The following MTHFD2L variants were observed in gnomAD, a reference collection of about 807,000 sequenced individuals.
MTHFD2L encodes bifunctional methylenetetrahydrofolate dehydrogenase/cyclohydrolase 2, mitochondrial.
MTHFD2L carries 29 observed loss-of-function variants against 34.9 expected under a neutral mutation model. The observed-to-expected ratio is 0.83, with a 90% CI of 0.62 to 1.13. The LOEUF (loss-of-function observed/expected upper bound fraction) is 1.13. Ranked by LOEUF, MTHFD2L falls within the 50% of genes most tolerant of loss-of-function variation. MTHFD2L has a pLI of 0.00. For missense variants in MTHFD2L, 481 were observed against 446.5 expected (o/e 1.08, Z -0.70); for synonymous variants, 167 against 155.7 (o/e 1.07, Z -0.54).
intron 1 of MTHFD2L, among the ~76,000 whole-genome samples, chr4:74,131,107 C>T (rs1387485314): frequency 1.3e-5 from 2 of 152,154 alleles, no homozygotes; most frequent in African/African-American, 2.4e-5. Context: ...AATGGAAAAA[C>T]ATTCTATGCT....
At chr4:74,283,760 C>T (rs1460896462) in intron 7 of MTHFD2L, among the ~76,000 whole-genome samples, 1 of 152,036 alleles carries the variant, frequency 6.6e-6, no homozygotes, top group African/African-American at 2.4e-5. Flanking sequence ...ATTCATGGAG[C>T]AAGAGTACTA....
At chr4:74,281,995 C>A (rs1056620482) in intron 7 of MTHFD2L, among the ~76,000 whole-genome samples, 1 of 152,102 alleles carries the variant, frequency 6.6e-6, no homozygotes, top group East Asian at 1.9e-4. Context: ...CATTTCAGAT[C>A]TAGGTAGTTA....
chr4:74,235,767 A>G (rs1178328630), intron 6 of MTHFD2L, among the ~76,000 whole-genome samples: 1 of 152,126 alleles, frequency 6.6e-6, no homozygotes, highest in Non-Finnish European at 1.5e-5. Flanking sequence ...TTATTCCAGC[A>G]TCTACTTCAA....
chr4:74,145,404 T>G (rs902437291), intron 1 of MTHFD2L, among the ~76,000 whole-genome samples: 8 of 152,182 alleles, frequency 5.3e-5, no homozygotes, highest in Admixed American at 3.9e-4. Context: ...ATAAAAAGAC[T>G]TTAGTATCCT....
chr4:74,157,701 T>C (rs747854186), upstream of MTHFD2L: 65 of 458,574 alleles, frequency 1.4e-4, 1 homozygote, highest in Non-Finnish European at 2.7e-4. Flanking sequence ...AATGAACCTA[T>C]TACTTCTTTC....
Position 74,174,456 on chromosome 4 carries a change from TTGAG to T in MTHFD2L, c.144-47_144-44del, listed in dbSNP as rs1019540783. The T allele has an allele frequency of 5.5e-6, 7 of 1,280,302 alleles. No individual in the cohort carries two copies. The African/African-American group carries it at 7.7e-5, about 14-fold the overall frequency. The allele number at this position is 1,280,302 out of a possible 1,614,324, so 79.3% of individuals were successfully genotyped here. The stretch of plus-strand genomic sequence containing the variant: ...AGTTTTGTACCTTAAATTTGTGCAG[TTGAG>T]TGTTTCTTATTTTCTTTTTAGTATT... On this transcript the variant is annotated intron_variant, in intron 1 of 7. Coordinates refer to ENST00000325278, the MANE Select transcript of MTHFD2L (RefSeq NM_001144978.3).
upstream of MTHFD2L, among the ~76,000 whole-genome samples, chr4:74,122,359 A>G (rs539564260): frequency 2.6e-5 from 4 of 152,174 alleles, no homozygotes; most frequent in Non-Finnish European, 4.4e-5. Flanking sequence ...GTGACAGGAG[A>G]GAGAGAGAGT....
intron 6 of MTHFD2L, among the ~76,000 whole-genome samples, chr4:74,280,629 T>C (rs1747320118): frequency 8.0e-6 from 1 of 125,312 alleles, no homozygotes; most frequent in African/African-American, 4.2e-5. Flanking sequence ...GATTGTTCAA[T>C]GTTTTTTTTT....
intron 1 of MTHFD2L, among the ~76,000 whole-genome samples, chr4:74,145,646 T>A (rs1438088695): frequency 3.9e-5 from 6 of 152,230 alleles, no homozygotes; most frequent in Admixed American, 2.0e-4. Context: ...ACTGATATGG[T>A]TTGGGTTTCT....
intron 1 of MTHFD2L, among the ~76,000 whole-genome samples, chr4:74,131,269 A>G (rs557386843): frequency 4.6e-5 from 7 of 152,336 alleles, no homozygotes; most frequent in Admixed American, 3.9e-4. Context: ...AAGAGCCCAT[A>G]TAGCCCAGAC....
At chr4:74,145,965 C>T (rs887616083) in intron 1 of MTHFD2L, among the ~76,000 whole-genome samples, 1 of 152,116 alleles carries the variant, frequency 6.6e-6, no homozygotes, top group African/African-American at 2.4e-5. Flanking sequence ...CCAAGTAAAC[C>T]TCTTTTCTTC....
At chr4:74,132,924 T>C (rs1207189635) in intron 1 of MTHFD2L, among the ~76,000 whole-genome samples, 1 of 152,238 alleles carries the variant, frequency 6.6e-6, no homozygotes. Flanking sequence ...ACACCACAAT[T>C]AAATTATTAG....
At chr4:74,294,445 A>ACAC (rs1749379663) in intron 7 of MTHFD2L, among the ~76,000 whole-genome samples, 1 of 152,156 alleles carries the variant, frequency 6.6e-6, no homozygotes, top group Non-Finnish European at 1.5e-5. Flanking sequence ...ATGACAGAAC[A>ACAC]CACCAGCTGG....
At chr4:74,188,882 T>C (rs1731927578) in intron 3 of MTHFD2L, among the ~76,000 whole-genome samples, 1 of 151,434 alleles carries the variant, frequency 6.6e-6, no homozygotes, top group South Asian at 2.1e-4. Context: ...TGCCGTCTAT[T>C]ATATTCAAAT....
At chr4:74,213,767 G>C (rs1004919775) in intron 5 of MTHFD2L, among the ~76,000 whole-genome samples, 1 of 152,114 alleles carries the variant, frequency 6.6e-6, no homozygotes, top group African/African-American at 2.4e-5. Flanking sequence ...TGCTAGGTTG[G>C]GGAAGTTCTC....
chr4:74,118,772 A>G (rs755095048), upstream of MTHFD2L, among the ~76,000 whole-genome samples: 1 of 152,188 alleles, frequency 6.6e-6, no homozygotes, highest in Non-Finnish European at 1.5e-5. Context: ...AAGGCAAGGG[A>G]GCAAAGCTTC....
intron 6 of MTHFD2L, among the ~76,000 whole-genome samples, chr4:74,272,479 G>A (rs761804342): frequency 1.3e-5 from 2 of 152,000 alleles, no homozygotes; most frequent in Non-Finnish European, 2.9e-5. Flanking sequence ...TTCCTTTAAA[G>A]CACTTCCATT....
At chr4:74,146,525 C>T (rs1000528490) in intron 1 of MTHFD2L, among the ~76,000 whole-genome samples, 3 of 152,138 alleles carry the variant, frequency 2.0e-5, no homozygotes, top group Non-Finnish European at 4.4e-5. Flanking sequence ...TGCCCCTCTT[C>T]CCAAGAACCT....
intron 1 of MTHFD2L, among the ~76,000 whole-genome samples, chr4:74,171,275 C>CA (rs1727923761): frequency 6.6e-6 from 1 of 152,054 alleles, no homozygotes; most frequent in Non-Finnish European, 1.5e-5. Flanking sequence ...TAAGGGAATG[C>CA]AAATTTAAAG....
Sources: allele counts gnomAD v4.1 joint callset (sites outside exome capture counted in the v4.1 genomes callset), GRCh38; gene constraint gnomAD v4.1.1; transcripts MANE v1.5; gene names NCBI Gene and HGNC (gene_info 2026-07-23, HGNC 2026-07-21).